The following ZFAT variants were observed in gnomAD, a reference collection of about 807,000 sequenced individuals.
ZFAT encodes the protein zinc finger and AT-hook domain containing, also known as zinc finger protein ZFAT.
A neutral mutation model predicts 117.7 loss-of-function variants in ZFAT; 64 were observed. The ratio of observed to expected loss-of-function variants is 0.54; its 90% CI spans 0.44 to 0.67. ZFAT has a LOEUF of 0.67. ZFAT is among the 30% of genes least tolerant of loss of function. ZFAT has a pLI of 0.00. For missense variants in ZFAT, 1,433 were observed against 1,584.5 expected (o/e 0.90, Z 1.62); for synonymous variants, 679 against 615.0 (o/e 1.10, Z -1.54).
intron 1 of ZFAT, among the ~76,000 whole-genome samples, chr8:134,706,743 G>GGA (rs1834161968): frequency 1.3e-5 from 2 of 152,126 alleles, no homozygotes; most frequent in South Asian, 4.2e-4. Context: ...TGAGGAGCAG[G>GGA]GATGGGATAG....
chr8:134,599,843 C>A (rs536387499), intron 7 of ZFAT: 18 of 453,420 alleles, frequency 4.0e-5, no homozygotes, highest in Non-Finnish European at 5.7e-5. Flanking sequence ...CATTGTGTTA[C>A]AAGATCCTCC....
chr8:134,762,062 A>G, the ZFAT span, among the ~76,000 whole-genome samples: 1 of 151,738 alleles, frequency 6.6e-6, no homozygotes, highest in Non-Finnish European at 1.5e-5. Context: ...AAACTTCTCA[A>G]ATACGTTTAA....
At chr8:134,573,528 G>A (rs1336626919) in intron 10 of ZFAT, among the ~76,000 whole-genome samples, 1 of 152,180 alleles carries the variant, frequency 6.6e-6, no homozygotes, top group Non-Finnish European at 1.5e-5. Context: ...CTTTCTGAGT[G>A]CCAGGCTTGC....
intron 15 of ZFAT, among the ~76,000 whole-genome samples, chr8:134,504,210 C>T (rs1218187818): frequency 6.6e-6 from 1 of 152,154 alleles, no homozygotes; most frequent in South Asian, 2.1e-4. Context: ...CACCACTTCA[C>T]TGGGAGCCCA....
At chr8:134,525,412 ATG>A (rs1334721396) in intron 12 of ZFAT, among the ~76,000 whole-genome samples, 2 of 152,160 alleles carry the variant, frequency 1.3e-5, no homozygotes, top group Non-Finnish European at 2.9e-5. Context: ...TCAGGCTGCT[ATG>A]TTTATGTATT....
chr8:134,712,627 T>TC (rs1326073707), intron 1 of ZFAT, among the ~76,000 whole-genome samples: 14 of 148,814 alleles, frequency 9.4e-5, no homozygotes, highest in Admixed American at 8.6e-4. Flanking sequence ...GCCTTGCTTT[T>TC]TTTTTTTTTT....
At chr8:134,588,464 A>C in intron 8 of ZFAT, 69 bp from the exon 9 acceptor site, 30 of 1,461,980 alleles carry the variant, frequency 2.1e-5, no homozygotes, top group Non-Finnish European at 2.6e-5. Flanking sequence ...AATAAACCTC[A>C]TTGCTAAGCA....
chr8:134,669,146 G>A (rs889731034), intron 1 of ZFAT, among the ~76,000 whole-genome samples: 6 of 152,146 alleles, frequency 3.9e-5, no homozygotes, highest in Admixed American at 3.3e-4. Context: ...TGAAAGTGAC[G>A]GGGAGAATGG....
At position 134,601,903 on chromosome 8, in the gene ZFAT, C is replaced by T. The variant is rs201380546; in HGVS notation, c.1816G>A (p.Ala606Thr). The T allele has an allele frequency of 9.1e-5, 147 of 1,613,770 alleles. 1 individual carries two copies. The Admixed American group carries it at 1.3e-3, about 14-fold the overall frequency. The change falls in exon 6 of 16, where the codon GCA (alanine) becomes ACA (threonine). Residue 606 changes from alanine to threonine, a missense_variant. Ala to Thr is a moderately conservative substitution (Grantham distance 58, BLOSUM62 0). Around this residue, in one of 5 missense-constraint regions of ZFAT, gnomAD observed 372 missense variants for 355.6 expected, o/e 1.05. Transcript: ENST00000377838. ...DFLLKNDTSS[A>T]EAHAAPEKPP... ...TTCTCAGGAGCAGCATGAGCCTCTG[C>T]GGAGGAGGTATCATTTTTCAACAAA...
the ZFAT span, among the ~76,000 whole-genome samples, chr8:134,761,542 A>G: frequency 1.7e-4 from 26 of 151,638 alleles, no homozygotes; most frequent in African/African-American, 6.1e-4. Flanking sequence ...TCTACTAAAA[A>G]TACAAAAATT....
intron 15 of ZFAT, among the ~76,000 whole-genome samples, chr8:134,488,855 G>A (rs1464768596): frequency 2.0e-5 from 3 of 152,076 alleles, no homozygotes; most frequent in Non-Finnish European, 2.9e-5. Flanking sequence ...GGGAGGAGGT[G>A]TAAAGAGATG....
intron 15 of ZFAT, among the ~76,000 whole-genome samples, chr8:134,494,155 C>T (rs1055249206): frequency 6.6e-6 from 1 of 152,180 alleles, no homozygotes; most frequent in East Asian, 1.9e-4. Flanking sequence ...CATTCTCCTC[C>T]CTCCACACCC....
At chr8:134,494,310 CG>C (rs1163646505) in intron 15 of ZFAT, among the ~76,000 whole-genome samples, 1 of 152,234 alleles carries the variant, frequency 6.6e-6, no homozygotes, top group East Asian at 1.9e-4. Flanking sequence ...AAATCACCCC[CG>C]TGACCATCCT....
At chr8:134,603,675 C>T (rs959097939) in intron 5 of ZFAT, among the ~76,000 whole-genome samples, 6 of 152,204 alleles carry the variant, frequency 3.9e-5, no homozygotes, top group African/African-American at 1.2e-4. Flanking sequence ...ACGAGCTGAG[C>T]TCTGCCTATT....
At chr8:134,568,978 G>A in intron 10 of ZFAT, among the ~76,000 whole-genome samples, 1 of 152,332 alleles carries the variant, frequency 6.6e-6, no homozygotes, top group South Asian at 2.1e-4. Flanking sequence ...GCTGGGAGAT[G>A]CACATCGAAT....
At chr8:134,740,430 T>A in the ZFAT span, among the ~76,000 whole-genome samples, 1 of 152,216 alleles carries the variant, frequency 6.6e-6, no homozygotes, top group East Asian at 1.9e-4. Flanking sequence ...CTGGTTTAAT[T>A]ACTCAAACTT....
At chr8:134,696,357 A>G in intron 1 of ZFAT, 2 of 984,732 alleles carry the variant, frequency 2.0e-6, no homozygotes, top group Non-Finnish European at 2.4e-6. Flanking sequence ...AGTGGAGAAC[A>G]GCCGAGACAC....
At chr8:134,700,394 G>A (rs372071774) in intron 1 of ZFAT, among the ~76,000 whole-genome samples, 2 of 152,176 alleles carry the variant, frequency 1.3e-5, no homozygotes, top group Admixed American at 6.5e-5. Context: ...AGATGGATGG[G>A]GAGTTGACCC....
intron 4 of ZFAT, among the ~76,000 whole-genome samples, chr8:134,609,683 C>T (rs938866915): frequency 2.0e-5 from 3 of 152,192 alleles, no homozygotes; most frequent in Non-Finnish European, 4.4e-5. Flanking sequence ...TCACCTCAAG[C>T]GCATAGAGAA....
Sources: allele counts gnomAD v4.1 joint callset (sites outside exome capture counted in the v4.1 genomes callset), GRCh38; gene constraint gnomAD v4.1.1; regional missense constraint gnomAD v4.1.1; transcripts MANE v1.5; gene names NCBI Gene and HGNC (gene_info 2026-07-23, HGNC 2026-07-21).